The following GRM5 variants were observed in gnomAD, a reference collection of about 807,000 sequenced individuals.
The protein encoded by GRM5 is metabotropic glutamate receptor 5.
A neutral mutation model predicts 83.1 loss-of-function variants in GRM5; 19 were observed. The observed-to-expected ratio is 0.23, with a 90% CI of 0.16 to 0.34. The LOEUF is 0.34. GRM5 is among the 10% of genes least tolerant of loss of function. The probability of loss-of-function intolerance (pLI) is 1.00; values close to 1 mark genes in which losing one functional copy is unlikely to be tolerated. For missense variants in GRM5, 1,160 were observed against 1,588.3 expected (o/e 0.73, Z 4.58); for synonymous variants, 675 against 633.6 (o/e 1.07, Z -0.98).
intron 3 of GRM5, among the ~76,000 whole-genome samples, chr11:88,728,407 AGGACCAGAT>A (rs1178092434): frequency 2.6e-5 from 4 of 152,252 alleles, no homozygotes; most frequent in African/African-American, 9.6e-5. Flanking sequence ...AAAAAAGCCC[AGGACCAGAT>A]GGATTCACAA....
intron 9 of GRM5, among the ~76,000 whole-genome samples, chr11:88,519,318 G>A (rs559929694): frequency 2.0e-5 from 3 of 152,154 alleles, no homozygotes; most frequent in Admixed American, 6.5e-5. Context: ...TATCTGGGAT[G>A]TCTGGAAAGG....
intron 2 of GRM5, among the ~76,000 whole-genome samples, chr11:88,895,454 C>G (rs905410886): frequency 2.0e-5 from 3 of 151,814 alleles, no homozygotes; most frequent in Non-Finnish European, 4.4e-5. Flanking sequence ...GAACAATAAC[C>G]ATGATCATAT....
intron 1 of GRM5, among the ~76,000 whole-genome samples, chr11:89,063,829 T>A (rs1942048302): frequency 6.6e-6 from 1 of 152,168 alleles, no homozygotes; most frequent in Non-Finnish European, 1.5e-5. Flanking sequence ...CCTGGGTGAA[T>A]CTGGATGGGT....
chr11:88,572,734 C>T (rs1249682014), intron 7 of GRM5, among the ~76,000 whole-genome samples: 2 of 151,966 alleles, frequency 1.3e-5, no homozygotes, highest in East Asian at 3.9e-4. Flanking sequence ...TCCTTATTTT[C>T]TTCTAATCAC....
chr11:88,687,564 TATATATATATATATAATATATATATA>T (rs1940670028), intron 3 of GRM5, among the ~76,000 whole-genome samples: 1 of 2,754 alleles, frequency 3.6e-4, no homozygotes, highest in Admixed American at 8.2e-3. Flanking sequence ...ATATATATTA[TATATATATATATATAATATATATATA>T]TATATATTCT....
chr11:88,559,067 T>C (rs979698221), intron 8 of GRM5, among the ~76,000 whole-genome samples: 1 of 152,020 alleles, frequency 6.6e-6, no homozygotes, highest in Non-Finnish European at 1.5e-5. Context: ...ATAATAAAAA[T>C]AAGTCAGTCA....
At chr11:89,027,431 G>A (rs1344798263) in intron 2 of GRM5, among the ~76,000 whole-genome samples, 1 of 152,128 alleles carries the variant, frequency 6.6e-6, no homozygotes. Flanking sequence ...TTCAAAGCCT[G>A]AAGGAATTAG....
intron 7 of GRM5, among the ~76,000 whole-genome samples, chr11:88,575,897 T>C (rs1393378675): frequency 6.6e-6 from 1 of 152,184 alleles, no homozygotes; most frequent in Non-Finnish European, 1.5e-5. Context: ...AATTCACAGC[T>C]ATAGTTTTTA....
chr11:88,757,610 C>T (rs1942422194), intron 3 of GRM5, among the ~76,000 whole-genome samples: 1 of 152,070 alleles, frequency 6.6e-6, no homozygotes, highest in African/African-American at 2.4e-5. Context: ...CTAACACCAC[C>T]ACCAGTGGAA....
At chr11:88,941,608 G>A (rs1275498466) in intron 2 of GRM5, among the ~76,000 whole-genome samples, 2 of 149,282 alleles carry the variant, frequency 1.3e-5, no homozygotes, top group African/African-American at 4.9e-5. Flanking sequence ...AGGGAAAGCG[G>A]GAAAAAGCTT....
At chr11:88,823,151 G>A (rs569733856) in intron 3 of GRM5, among the ~76,000 whole-genome samples, 94 of 150,414 alleles carry the variant, frequency 6.2e-4, no homozygotes, top group African/African-American at 2.1e-3. Context: ...ATATTTCCTC[G>A]ATTTGTTTCT....
At chr11:88,744,894 T>G (rs1213524085) in intron 3 of GRM5, among the ~76,000 whole-genome samples, 1 of 152,152 alleles carries the variant, frequency 6.6e-6, no homozygotes, top group Non-Finnish European at 1.5e-5. Flanking sequence ...AGAATATGTA[T>G]CTATATGCTT....
intron 7 of GRM5, among the ~76,000 whole-genome samples, chr11:88,575,462 T>TC (rs1218776927): frequency 6.6e-5 from 10 of 152,218 alleles, no homozygotes; most frequent in Non-Finnish European, 1.3e-4. Context: ...GGCCAGTTAC[T>TC]CCTCTGAAAG....
chr11:88,655,959 A>G (rs781069673), intron 3 of GRM5, among the ~76,000 whole-genome samples: 1 of 152,120 alleles, frequency 6.6e-6, no homozygotes, highest in Non-Finnish European at 1.5e-5. Flanking sequence ...TGCTGTATTG[A>G]CTTTAGCTTA....
chr11:88,914,863 A>G (rs1362166765), intron 2 of GRM5, among the ~76,000 whole-genome samples: 1 of 152,214 alleles, frequency 6.6e-6, no homozygotes, highest in African/African-American at 2.4e-5. Flanking sequence ...TATGAAAGAA[A>G]TTAAAAGTCA....
chr11:88,785,285 G>T (rs867948009), intron 3 of GRM5, among the ~76,000 whole-genome samples: 1 of 152,026 alleles, frequency 6.6e-6, no homozygotes, highest in Non-Finnish European at 1.5e-5. Context: ...TACTTTGGCA[G>T]AATTTCATTC....
intron 3 of GRM5, among the ~76,000 whole-genome samples, chr11:88,656,553 A>C (rs1431855281): frequency 6.6e-6 from 1 of 152,094 alleles, no homozygotes; most frequent in Non-Finnish European, 1.5e-5. Flanking sequence ...TTCAGTTTTC[A>C]TACTACAAAC....
intron 4 of GRM5, among the ~76,000 whole-genome samples, chr11:88,622,780 A>T (rs1426372104): frequency 6.6e-6 from 1 of 152,230 alleles, no homozygotes; most frequent in Non-Finnish European, 1.5e-5. Context: ...TAAAATCCGT[A>T]AAATTGCAGT....
In GRM5 at chr11:88,849,917, C is replaced by T. The variant is rs1944360426; in HGVS notation, c.900G>A (p.Leu300=). The T allele has an allele frequency of 1.2e-6, 2 of 1,614,104 alleles. No individual in the cohort carries two copies. Among genetic ancestry groups the T allele is most frequent in the East Asian group, 4.5e-5 (2 of 44,878 alleles). ...TTATTATCACTCACCTGCCCAGAAGCAGAAATTCTCCCGCTAGACCCAGGC... is the reference window on the plus strand; with the variant it reads ...TTATTATCACTCACCTGCCCAGAAGTAGAAATTCTCCCGCTAGACCCAGGC... ...MRRLGLAGEF[L]LLGSDGWADR... The change falls in exon 3 of 10, where the codon CTG becomes CTA. Residue 300 remains leucine, a synonymous_variant. Transcript: ENST00000305447.
Sources: allele counts gnomAD v4.1 joint callset (sites outside exome capture counted in the v4.1 genomes callset), GRCh38; gene constraint gnomAD v4.1.1; transcripts MANE v1.5; gene names NCBI Gene and HGNC (gene_info 2026-07-23, HGNC 2026-07-21).